HHAT: variants seen among roughly 807,000 people sequenced by gnomAD.
The protein encoded by HHAT is hedgehog acyltransferase, also known as protein-cysteine N-palmitoyltransferase HHAT.
In HHAT, 47 loss-of-function variants were observed where a neutral mutation model predicts 70.8. The ratio of observed to expected loss-of-function variants is 0.66; its 90% CI spans 0.53 to 0.85. The LOEUF is 0.85. Among genes scored for constraint, HHAT ranks in the 40% least tolerant of loss-of-function variants. HHAT has a pLI of 0.00. For synonymous variants in HHAT, 228 were observed against 247.6 expected (o/e 0.92, Z 0.74); for missense variants, 609 against 604.8 (o/e 1.01, Z -0.07).
intron 10 of HHAT, among the ~76,000 whole-genome samples, chr1:210,607,964 A>G (rs185347031): frequency 6.6e-6 from 1 of 152,256 alleles, no homozygotes; most frequent in Non-Finnish European, 1.5e-5. Context: ...ATATTCTAAA[A>G]TTTGCACTTC....
intron 1 of HHAT, among the ~76,000 whole-genome samples, chr1:210,331,611 C>T (rs2084994038): frequency 6.6e-6 from 1 of 152,190 alleles, no homozygotes; most frequent in Non-Finnish European, 1.5e-5. Context: ...AAGTAATGCT[C>T]AAACTCTTTT....
At chr1:210,386,742 TG>T (rs1355502068) in intron 3 of HHAT, among the ~76,000 whole-genome samples, 1 of 152,146 alleles carries the variant, frequency 6.6e-6, no homozygotes, top group Non-Finnish European at 1.5e-5. Context: ...TTTGAGGTGC[TG>T]GTTCCTAAGC....
chr1:210,387,695 A>T, intron 4 of HHAT, 114 bp downstream of exon 4: 1 of 728,866 alleles, frequency 1.4e-6, no homozygotes, highest in East Asian at 2.7e-5. Flanking sequence ...AGCCTGGAAA[A>T]AATGATAAAG....
intron 7 of HHAT, among the ~76,000 whole-genome samples, chr1:210,430,084 T>C (rs2093198346): frequency 6.6e-6 from 1 of 151,934 alleles, no homozygotes; most frequent in South Asian, 2.1e-4. Flanking sequence ...AATATTTTCC[T>C]TCAATAGTAG....
intron 8 of HHAT, among the ~76,000 whole-genome samples, chr1:210,488,259 C>T (rs1019173311): frequency 2.0e-5 from 3 of 152,178 alleles, no homozygotes; most frequent in Non-Finnish European, 2.9e-5. Flanking sequence ...TCCTTCAAGT[C>T]TTGACTCACA....
intron 9 of HHAT, among the ~76,000 whole-genome samples, chr1:210,584,067 C>G (rs887945681): frequency 6.7e-6 from 1 of 148,918 alleles, no homozygotes; most frequent in Admixed American, 6.9e-5. Context: ...CTAAGCCTCC[C>G]GAGTAGCTGA....
chr1:210,352,330 C>T (rs1306510162), intron 2 of HHAT, among the ~76,000 whole-genome samples: 3 of 152,166 alleles, frequency 2.0e-5, no homozygotes, highest in Admixed American at 1.3e-4. Flanking sequence ...GTTTACCTCA[C>T]GGGAGCCAGA....
chr1:210,602,873 TCTC>T (rs1664593178), intron 10 of HHAT, among the ~76,000 whole-genome samples: 1 of 152,164 alleles, frequency 6.6e-6, no homozygotes, highest in Non-Finnish European at 1.5e-5. Flanking sequence ...CACATTTTCT[TCTC>T]TGTGGGAATT....
chr1:210,496,661 A>G (rs2094649739), intron 8 of HHAT, among the ~76,000 whole-genome samples: 1 of 152,198 alleles, frequency 6.6e-6, no homozygotes, highest in South Asian at 2.1e-4. Flanking sequence ...ACTGTGCACC[A>G]TTAGGCAGAG....
intron 7 of HHAT, among the ~76,000 whole-genome samples, chr1:210,454,931 A>C (rs2093831472): frequency 6.6e-6 from 1 of 152,202 alleles, no homozygotes; most frequent in Admixed American, 6.5e-5. Context: ...TGAAAGGATC[A>C]GTTTGGTGTT....
chr1:210,675,885 C>T lies in HHAT; in HGVS notation c.*1506C>T, dbSNP rs1036954463. ...TAAAGGAGAGAGAGAGACATGGGGC[C>T]AGTAATTCCGGGGTGCTCAGAAGTT... On this transcript the variant is annotated 3_prime_UTR_variant, in exon 12 of 12. Transcript: ENST00000261458. 6.6e-5 allele frequency: 10 copies of T among 152,220 alleles called. No homozygotes were observed. Among genetic ancestry groups the T allele is most frequent in the African/African-American group, 2.2e-4 (9 of 41,442 alleles). 9.4% of individuals were successfully genotyped at this position (152,220 alleles called of 1,614,324 possible). A position where few individuals can be genotyped will look rare whatever the true frequency, so the allele number is the denominator to read the frequency against.
At chr1:210,448,082 T>C (rs1431991859) in intron 7 of HHAT, among the ~76,000 whole-genome samples, 2 of 16,684 alleles carry the variant, frequency 1.2e-4, no homozygotes, top group African/African-American at 5.3e-4. Context: ...TTAGAGGTTC[T>C]TTTTTTTTTT....
intron 8 of HHAT, among the ~76,000 whole-genome samples, chr1:210,503,745 C>T (rs921651754): frequency 1.3e-5 from 2 of 152,134 alleles, no homozygotes; most frequent in African/African-American, 4.8e-5. Context: ...ATTTCCCCCA[C>T]TCAATGAAGC....
intron 7 of HHAT, among the ~76,000 whole-genome samples, chr1:210,426,979 T>C (rs778766445): frequency 6.6e-6 from 1 of 152,166 alleles, no homozygotes; most frequent in Non-Finnish European, 1.5e-5. Context: ...GGGCTTTTTT[T>C]GGTTGGTAAG....
intron 9 of HHAT, among the ~76,000 whole-genome samples, chr1:210,527,414 G>A (rs1210323757): frequency 6.6e-6 from 1 of 152,122 alleles, no homozygotes; most frequent in African/African-American, 2.4e-5. Context: ...AAGATTAATA[G>A]TAATACCTAT....
chr1:210,613,561 C>T (rs1369493374), intron 10 of HHAT, among the ~76,000 whole-genome samples: 1 of 152,098 alleles, frequency 6.6e-6, no homozygotes, highest in Non-Finnish European at 1.5e-5. Flanking sequence ...TGTCCTGCAA[C>T]TTTGTTCTGC....
At chr1:210,464,338 C>G (rs2094049040) in intron 7 of HHAT, among the ~76,000 whole-genome samples, 167 bp from the exon 8 acceptor site, 1 of 152,044 alleles carries the variant, frequency 6.6e-6, no homozygotes, top group South Asian at 2.1e-4. Flanking sequence ...CAAAAAATTT[C>G]ATTGAATAAA....
intron 11 of HHAT, among the ~76,000 whole-genome samples, chr1:210,626,578 G>A (rs901253962): frequency 7.9e-5 from 12 of 152,160 alleles, no homozygotes; most frequent in South Asian, 6.2e-4. Flanking sequence ...TTGCCGCTTC[G>A]TCTATTCCTT....
chr1:210,412,387 T>A (rs778584156), intron 6 of HHAT, among the ~76,000 whole-genome samples: 7 of 152,146 alleles, frequency 4.6e-5, no homozygotes, highest in Non-Finnish European at 7.3e-5. Flanking sequence ...AAAGTCTCAT[T>A]TAAATATCAT....
Sources: gnomAD v4.1 joint callset for allele counts (sites outside exome capture counted in the v4.1 genomes callset) on GRCh38, gnomAD v4.1.1 for gene constraint, MANE v1.5 for transcripts, NCBI Gene and HGNC (gene_info 2026-07-23, HGNC 2026-07-21) for gene names.